The following PSMA6 variants were observed in gnomAD, a reference collection of about 807,000 sequenced individuals.
PSMA6 encodes proteasome subunit alpha type-6.
For missense variants in PSMA6, 170 were observed against 294.8 expected, an observed-to-expected ratio of 0.58 and a Z score of 3.10; for synonymous variants, 88 against 97.7, an observed-to-expected ratio of 0.90 and a Z score of 0.59.
At chr14:35,298,212 G>A (rs143343749) in intron 1 of PSMA6, among the ~76,000 whole-genome samples, 211 of 152,144 alleles carry the variant, frequency 1.4e-3, no homozygotes, top group Middle Eastern at 6.8e-3. Context: ...AAATGGGGCC[G>A]GACACAGTGG....
At chr14:35,316,453 A>G (rs948430067) in intron 6 of PSMA6, 1 of 152,060 alleles carries the variant, frequency 6.6e-6, no homozygotes, top group Middle Eastern at 3.4e-3. Context: ...CTGGTAGACT[A>G]TTCATAGAAT....
At chr14:35,307,927 C>A in intron 1 of PSMA6, 67 bp from the exon 2 acceptor site, 1 of 1,443,460 alleles carries the variant, frequency 6.9e-7, no homozygotes, top group Non-Finnish European at 9.6e-7. Flanking sequence ...TTTTTAATGA[C>A]TATTATTTCA....
At chr14:35,281,304 T>A (rs1000795896) in intron 1 of PSMA6, among the ~76,000 whole-genome samples, 4 of 152,190 alleles carry the variant, frequency 2.6e-5, no homozygotes, top group Non-Finnish European at 4.4e-5. Context: ...GAAATTCCCA[T>A]TAATTTCCTG....
chr14:35,298,563 G>A (rs995244806), intron 1 of PSMA6, among the ~76,000 whole-genome samples: 3 of 151,980 alleles, frequency 2.0e-5, no homozygotes, highest in Non-Finnish European at 4.4e-5. Context: ...TTCAAGAATA[G>A]TTTACTCAGT....
chr14:35,310,917 C>T, intron 4 of PSMA6, 22 bp downstream of exon 4: 1 of 1,596,514 alleles, frequency 6.3e-7, no homozygotes, highest in Non-Finnish European at 8.5e-7. Flanking sequence ...AAGAGGTCTC[C>T]CAAATAATTG....
upstream of PSMA6, among the ~76,000 whole-genome samples, chr14:35,291,823 CAAAAAAAAAAAA>C (rs113987343): frequency 2.3e-3 from 108 of 47,740 alleles, 1 homozygote; most frequent in Non-Finnish European, 3.0e-3. Context: ...AACTCTGTCT[CAAAAAAAAAAAA>C]AAAAAAAAAA....
In PSMA6 at chr14:35,317,280, C is replaced by T; in HGVS notation, c.715C>T (p.Leu239Phe). The change falls in exon 7 of 7, where the codon CTT (leucine) becomes TTT (phenylalanine). Residue 239 changes from leucine to phenylalanine, a missense_variant. Transcript: ENST00000261479. ...TACAGAAGCAGAGATTGATGCTCAC[C>T]TTGTTGCTCTAGCAGAGAGAGACTA... is the stretch of plus-strand genomic sequence containing the variant. ...ILTEAEIDAH[L>F]VALAERD The T allele has an allele frequency of 6.2e-7, 1 of 1,612,110 alleles. No individual in the cohort carries two copies. The highest frequency in any genetic ancestry group is 1.1e-5 in the South Asian group (1 of 91,030).
At chr14:35,300,763 C>G (rs74043872) in intron 1 of PSMA6, among the ~76,000 whole-genome samples, 4,946 of 152,122 alleles carry the variant, frequency 0.033, 250 homozygotes, top group African/African-American at 0.11. Flanking sequence ...TTCTAGAGTA[C>G]GTTAAAGCAA....
In PSMA6 at chr14:35,317,425, C is replaced by G. The variant is rs1315248626; in HGVS notation, c.*119C>G. ...GAGCCTCTCCCACTCCTCCTACCACCGAAGTGGTTAGGACTCTATATAAAT... is the reference window on the plus strand; with the variant it reads ...GAGCCTCTCCCACTCCTCCTACCACGGAAGTGGTTAGGACTCTATATAAAT... On this transcript the variant is annotated 3_prime_UTR_variant, in exon 7 of 7. Coordinates refer to ENST00000261479, the MANE Select transcript of PSMA6 (RefSeq NM_002791.3). The G allele has an allele frequency of 5.8e-6, 5 of 864,422 alleles. No homozygotes were observed. Among genetic ancestry groups the G allele is most frequent in the Non-Finnish European group, 9.5e-6 (5 of 526,184 alleles). 53.5% of individuals were successfully genotyped at this position (864,422 alleles called of 1,614,324 possible).
At chr14:35,303,911 T>C (rs118127067) in intron 1 of PSMA6, among the ~76,000 whole-genome samples, 8,763 of 134,566 alleles carry the variant, frequency 0.065, 328 homozygotes, top group Middle Eastern at 0.12. Flanking sequence ...ATTTCTTTCT[T>C]TTTTTTTTTT....
chr14:35,310,600 G>T, intron 3 of PSMA6, 140 bp from the exon 4 acceptor site: 1 of 761,846 alleles, frequency 1.3e-6, no homozygotes, highest in Non-Finnish European at 2.2e-6. Context: ...TATTCATTGG[G>T]GGAGAAAAAG....
chr14:35,280,161 C>G (rs2051351147), intron 1 of PSMA6, among the ~76,000 whole-genome samples: 1 of 151,364 alleles, frequency 6.6e-6, no homozygotes, highest in Non-Finnish European at 1.5e-5. Context: ...ATTTTTCGGC[C>G]TGGCGCAATG....
At chr14:35,309,402 C>A (rs1594391596) in intron 3 of PSMA6, among the ~76,000 whole-genome samples, 1 of 152,268 alleles carries the variant, frequency 6.6e-6, no homozygotes, top group East Asian at 1.9e-4. Flanking sequence ...GTAATCCCAG[C>A]ACTTTGGGAG....
chr14:35,284,431 T>G (rs1407331003), intron 1 of PSMA6, among the ~76,000 whole-genome samples: 1 of 152,146 alleles, frequency 6.6e-6, no homozygotes, highest in Non-Finnish European at 1.5e-5. Context: ...TCTGTGCTGC[T>G]CTGTTACACA....
chr14:35,280,118 A>G (rs1231357223), intron 1 of PSMA6, among the ~76,000 whole-genome samples: 4 of 149,222 alleles, frequency 2.7e-5, no homozygotes, highest in Non-Finnish European at 5.9e-5. Context: ...GCGACAGAGC[A>G]AGACTCCGTC....
At chr14:35,310,087 A>G (rs979916608) in intron 3 of PSMA6, 1 of 365,590 alleles carries the variant, frequency 2.7e-6, no homozygotes, top group Non-Finnish European at 5.3e-6. Flanking sequence ...GTGAGCTATG[A>G]TGGCTCACTG....
At chr14:35,291,699 T>C (rs543245149), upstream of PSMA6, among the ~76,000 whole-genome samples, 16 of 151,872 alleles carry the variant, frequency 1.1e-4, no homozygotes, top group South Asian at 2.7e-3. Context: ...GGCACACGCC[T>C]ATAATCCCAG....
Position 35,292,386 on chromosome 14 carries a change from G to A in PSMA6, c.-91G>A, listed in dbSNP as rs2277459. The A allele has an allele frequency of 0.066, 101,747 of 1,540,538 alleles. 8,267 individuals carry two copies. The highest frequency in any genetic ancestry group is 0.37 in the African/African-American group (26,541 of 72,120). The stretch of plus-strand genomic sequence containing the variant: ...AAGAAACGCGGCTGGTACCCCGGAA[G>A]CAGTCGCTGCAACTTCCGGGAGGTG... On this transcript the variant is annotated 5_prime_UTR_variant, in exon 1 of 7. Coordinates refer to ENST00000261479, the MANE Select transcript of PSMA6 (RefSeq NM_002791.3).
intron 1 of PSMA6, among the ~76,000 whole-genome samples, chr14:35,286,380 A>G (rs193078560): frequency 6.6e-6 from 1 of 152,224 alleles, no homozygotes; most frequent in Non-Finnish European, 1.5e-5. Context: ...AAAACCACCA[A>G]CGGTTAAGCC....
Sources: allele counts gnomAD v4.1 joint callset (sites outside exome capture counted in the v4.1 genomes callset), GRCh38; gene constraint gnomAD v4.1.1; transcripts MANE v1.5; gene names NCBI Gene and HGNC (gene_info 2026-07-23, HGNC 2026-07-21).